Variants in ARHGAP15 observed in about 807,000 individuals in gnomAD.
The protein encoded by ARHGAP15 is Rho GTPase activating protein 15.
ARHGAP15 carries 51 observed loss-of-function variants against 63.7 expected under a neutral mutation model. The observed-to-expected ratio is 0.80, with a 90% CI of 0.64 to 1.01. ARHGAP15 has a LOEUF of 1.01. Ranked by LOEUF, ARHGAP15 falls within the 50% of genes least tolerant of loss-of-function variation. The pLI is 0.00. For missense variants in ARHGAP15, 560 were observed against 564.6 expected (o/e 0.99, Z 0.08); for synonymous variants, 191 against 193.8 (o/e 0.99, Z 0.12).
rs564307766 is a variant in ARHGAP15 at position 143,657,705 on chromosome 2, C to T, written c.1138+33438C>T. Among the ~76,000 whole-genome samples, 5 of 152,278 alleles carry T rather than the reference C, an allele frequency of 3.3e-5. No homozygotes were observed. In the South Asian group the frequency reaches 1.0e-3, roughly 32 times the overall value. The stretch of plus-strand genomic sequence containing the variant: ...TTGTTTTGTTCTCTAGTCATTCCAC[C>T]TATGTCTATCATATCGCTTATTGCT... On this transcript the variant is annotated intron_variant, in intron 12 of 13. Transcript: ENST00000295095.
At chr2:143,515,104 T>A (rs370788683) in intron 9 of ARHGAP15, among the ~76,000 whole-genome samples, 1 of 138,502 alleles carries the variant, frequency 7.2e-6, no homozygotes, top group African/African-American at 2.7e-5. Flanking sequence ...TTATCCTGAT[T>A]CTGGTCTTCG....
At chr2:143,224,511 G>T (rs905858849) in intron 4 of ARHGAP15, among the ~76,000 whole-genome samples, 12 of 152,218 alleles carry the variant, frequency 7.9e-5, no homozygotes, top group Admixed American at 5.2e-4. Flanking sequence ...GGCATAGAGG[G>T]ACTTCCTAGT....
At chr2:143,354,256 C>T (rs774886784) in intron 6 of ARHGAP15, among the ~76,000 whole-genome samples, 7 of 152,100 alleles carry the variant, frequency 4.6e-5, no homozygotes, top group South Asian at 2.1e-4. Flanking sequence ...TCACCTCAGT[C>T]GGAATGAATA....
chr2:143,272,732 TTC>T (rs896659922), intron 6 of ARHGAP15, among the ~76,000 whole-genome samples: 1 of 152,202 alleles, frequency 6.6e-6, no homozygotes, highest in Non-Finnish European at 1.5e-5. Context: ...GAGTATTATG[TTC>T]TCTCTCTTTG....
In ARHGAP15 at chr2:143,766,214, C is replaced by T. The variant is rs148374441; in HGVS notation, c.1245-1775C>T. 4.3e-3 allele frequency among the ~76,000 whole-genome samples: 661 copies of T among 152,260 alleles called. 2 individuals carry two copies. Among genetic ancestry groups the T allele is most frequent in the Middle Eastern group, 0.014 (4 of 294 alleles). On this transcript the variant is annotated intron_variant, in intron 13 of 13. Transcript: ENST00000295095. ...CACGGTTTCAGTTATCCAAAGTCAACCATAGTCTGAAAGTATGAAATGGAA... is the reference window on the plus strand; with the variant it reads ...CACGGTTTCAGTTATCCAAAGTCAATCATAGTCTGAAAGTATGAAATGGAA...
chr2:143,371,078 C>A (rs1686528321), intron 6 of ARHGAP15, among the ~76,000 whole-genome samples: 1 of 152,136 alleles, frequency 6.6e-6, no homozygotes, highest in African/African-American at 2.4e-5. Flanking sequence ...ATTGTTTTGA[C>A]TGTAGACACC....
chr2:143,354,018 C>A (rs1685694897), intron 6 of ARHGAP15, among the ~76,000 whole-genome samples: 1 of 32,460 alleles, frequency 3.1e-5, no homozygotes, highest in African/African-American at 1.3e-4. Flanking sequence ...CAAACAAGAA[C>A]CTCTCCCTTG....
At chr2:143,729,576 T>C (rs2105480962) in intron 13 of ARHGAP15, among the ~76,000 whole-genome samples, 1 of 152,328 alleles carries the variant, frequency 6.6e-6, no homozygotes, top group Admixed American at 6.5e-5. Context: ...ATATTGTTCA[T>C]CCCTGTAATG....
At chr2:143,651,910 C>T (rs553123524) in intron 12 of ARHGAP15, among the ~76,000 whole-genome samples, 42 of 151,944 alleles carry the variant, frequency 2.8e-4, no homozygotes, top group East Asian at 1.7e-3. Context: ...TAGGATTTTA[C>T]GTTTTCTGAT....
intron 6 of ARHGAP15, among the ~76,000 whole-genome samples, chr2:143,379,868 A>C (rs1448194149): frequency 6.6e-6 from 1 of 152,072 alleles, no homozygotes; most frequent in Non-Finnish European, 1.5e-5. Flanking sequence ...CTTACTCAAC[A>C]TCCATTAAAC....
At chr2:143,467,292 A>G (rs1452276809) in intron 8 of ARHGAP15, among the ~76,000 whole-genome samples, 1 of 86,116 alleles carries the variant, frequency 1.2e-5, no homozygotes, top group Non-Finnish European at 2.1e-5. Flanking sequence ...TTCCTGATCT[A>G]TGCAGTCTCT....
intron 2 of ARHGAP15, among the ~76,000 whole-genome samples, chr2:143,189,474 A>G (rs1296307639): frequency 6.7e-6 from 1 of 149,960 alleles, no homozygotes; most frequent in Non-Finnish European, 1.5e-5. Flanking sequence ...TGAACTTCCT[A>G]CTTTATTCTC....
intron 9 of ARHGAP15, among the ~76,000 whole-genome samples, chr2:143,496,185 G>A (rs188126513): frequency 7.2e-5 from 11 of 152,190 alleles, no homozygotes; most frequent in African/African-American, 2.6e-4. Flanking sequence ...GAGCAAATGT[G>A]TTGGTAATAC....
intron 13 of ARHGAP15, among the ~76,000 whole-genome samples, chr2:143,705,456 A>G (rs984423077): frequency 1.3e-5 from 2 of 152,142 alleles, no homozygotes; most frequent in Non-Finnish European, 2.9e-5. Context: ...AATACTATCA[A>G]CCATATCTTG....
chr2:143,556,528 A>G (rs1203448981), intron 11 of ARHGAP15, 43 bp downstream of exon 11: 2 of 1,428,966 alleles, frequency 1.4e-6, no homozygotes, highest in Non-Finnish European at 2.0e-6. Flanking sequence ...ACAGTTTCAT[A>G]TGGAACAATA....
chr2:143,202,312 G>T, intron 3 of ARHGAP15, 110 bp downstream of exon 3: 1 of 863,640 alleles, frequency 1.2e-6, no homozygotes, highest in South Asian at 1.4e-5. Context: ...TGTGGGTCAG[G>T]AATCAGGGCA....
intron 1 of ARHGAP15, among the ~76,000 whole-genome samples, chr2:143,141,468 C>T (rs1689360351): frequency 6.6e-6 from 1 of 152,000 alleles, no homozygotes; most frequent in African/African-American, 2.4e-5. Flanking sequence ...AAGAGACACA[C>T]AGCTCAAATA....
intron 5 of ARHGAP15, among the ~76,000 whole-genome samples, chr2:143,248,250 G>A (rs1163421362): frequency 6.6e-6 from 1 of 152,148 alleles, no homozygotes; most frequent in African/African-American, 2.4e-5. Context: ...ACATTTAACT[G>A]GGAACTGAAG....
intron 12 of ARHGAP15, among the ~76,000 whole-genome samples, chr2:143,685,505 C>T (rs1683293921): frequency 6.6e-6 from 1 of 152,226 alleles, no homozygotes; most frequent in Non-Finnish European, 1.5e-5. Flanking sequence ...TCAGAACATG[C>T]TCCTGCTGTA....
Sources: allele counts gnomAD v4.1 joint callset (sites outside exome capture counted in the v4.1 genomes callset), GRCh38; gene constraint gnomAD v4.1.1; transcripts MANE v1.5; gene names NCBI Gene and HGNC (gene_info 2026-07-23, HGNC 2026-07-21).